The following DMBT1 variants were observed in gnomAD, a reference collection of about 807,000 sequenced individuals.
DMBT1 encodes scavenger receptor cysteine-rich domain-containing protein DMBT1.
A neutral mutation model predicts 252.9 loss-of-function variants in DMBT1; 198 were observed. The ratio of observed to expected loss-of-function variants is 0.78; its 90% CI spans 0.70 to 0.88. The LOEUF (loss-of-function observed/expected upper bound fraction) is 0.88. Among genes scored for constraint, DMBT1 ranks in the 40% least tolerant of loss-of-function variants. The pLI, the probability that DMBT1 is intolerant of heterozygous loss-of-function variation, is 0.00. For missense variants in DMBT1, 2,432 were observed against 2,404.7 expected, an observed-to-expected ratio of 1.01 and a Z score of -0.24; for synonymous variants, 990 against 942.7, an observed-to-expected ratio of 1.05 and a Z score of -0.92.
intron 50 of DMBT1, 93 bp downstream of exon 50, chr10:122,631,968 A>C: frequency 1.4e-6 from 2 of 1,418,468 alleles, no homozygotes; most frequent in Non-Finnish European, 2.0e-6. Context: ...CTCACTCTCC[A>C]AGGAGTTCAT....
chr10:122,636,067 G>C lies in DMBT1; in HGVS notation c.6625G>C (p.Val2209Leu), dbSNP rs754071848. 6.8e-6 allele frequency: 11 copies of C among 1,614,000 alleles called. No homozygotes were observed. Among genetic ancestry groups the C allele is most frequent in the Non-Finnish European group, 9.3e-6 (11 of 1,179,888 alleles). Reference sequence around the variant, plus strand: ...CCGCAGTTCCCCTCTCATTGCTCGAGTTTGTGATGGGGCCAGAGGCTCCTT... The same window carrying C: ...CCGCAGTTCCCCTCTCATTGCTCGACTTTGTGATGGGGCCAGAGGCTCCTT... ...PYRSSPLIAR[V>L]CDGARGSFTS... Residue 2209 changes from valine to leucine, a missense_variant, in exon 53 of 56, where the codon GTT becomes CTT. Val to Leu is a conservative substitution (Grantham distance 32). This residue lies in a region of DMBT1 where 1,162 missense variants were observed against 1,169.0 expected (regional missense o/e 0.99). Coordinates refer to ENST00000338354, the MANE Select transcript of DMBT1 (RefSeq NM_001377530.1).
intron 16 of DMBT1, 39 bp downstream of exon 16, chr10:122,586,422 G>C: frequency 6.3e-7 from 1 of 1,583,962 alleles, no homozygotes; most frequent in South Asian, 1.2e-5. Flanking sequence ...TCTTGGGGTA[G>C]ATTTTGCTCA....
At chr10:122,561,122 G>A (rs999253362) in intron 1 of DMBT1, among the ~76,000 whole-genome samples, 4 of 152,196 alleles carry the variant, frequency 2.6e-5, no homozygotes, top group African/African-American at 9.7e-5. Flanking sequence ...AATCCCTGAA[G>A]TTTAGGAAAG....
chr10:122,625,375 G>C, intron 45 of DMBT1, 72 bp downstream of exon 45: 1 of 1,457,140 alleles, frequency 6.9e-7, no homozygotes. Context: ...CCAGAAGTAG[G>C]AGGAGTAGGG....
At chr10:122,600,043 C>T (rs2097927618) in intron 26 of DMBT1, 21 bp from the exon 27 acceptor site, 1 of 1,607,470 alleles carries the variant, frequency 6.2e-7, no homozygotes, top group Admixed American at 1.7e-5. Flanking sequence ...CTGATCTGAC[C>T]TTCTCTTCTC....
chr10:122,634,523 G>C (rs920040297), intron 52 of DMBT1, among the ~76,000 whole-genome samples: 3 of 140,636 alleles, frequency 2.1e-5, no homozygotes, highest in African/African-American at 7.9e-5. Flanking sequence ...CGGACATGGA[G>C]TCTCGCTCTG....
chr10:122,617,509 C>A (rs369381639), intron 40 of DMBT1, among the ~76,000 whole-genome samples: 1 of 151,478 alleles, frequency 6.6e-6, no homozygotes, highest in Non-Finnish European at 1.5e-5. Context: ...GTGCTCAGGA[C>A]GAGCACTGGA....
chr10:122,625,894 A>T (rs2098115412), intron 45 of DMBT1, 39 bp from the exon 46 acceptor site: 1 of 1,555,876 alleles, frequency 6.4e-7, no homozygotes, highest in African/African-American at 1.4e-5. Flanking sequence ...TGGAAAAATT[A>T]TCTACTAAAA....
rs4752722 is a variant in DMBT1, at chr10:122,592,438, G to C, written c.2343G>C (p.Ser781=). The change falls in exon 20 of 56, where the codon TCG becomes TCC. Residue 781 remains serine, a synonymous_variant. Coordinates refer to ENST00000338354, the MANE Select transcript of DMBT1 (RefSeq NM_001377530.1). ...AGCTGGGCTGTGGCTGGGCCACGTC[G>C]GCCCCAGGAAATGCCCGGTTTGGCC... The part of the protein sequence containing the change: ...CRQLGCGWAT[S]APGNARFGQG... The C allele has an allele frequency of 1.3e-6, 2 of 1,587,238 alleles. No individual in the cohort carries two copies. Among genetic ancestry groups the C allele is most frequent in the Admixed American group, 1.7e-5 (1 of 59,436 alleles).
rs145116647 is a variant in DMBT1 at position 122,584,942 on chromosome 10, G to A, written c.1421-329G>A. 5.9e-3 allele frequency among the ~76,000 whole-genome samples: 878 copies of A among 148,990 alleles called. 78 individuals are homozygous for A. The highest frequency in any genetic ancestry group is 0.026 in the South Asian group (113 of 4,396). ...TGGTCAGCTCCTTGGTTTCCCTAAC[G>A]TTTTAGCTCGAGCTAGTAGAGTGTC... On this transcript the variant is annotated intron_variant, in intron 14 of 55. Transcript: ENST00000338354.
At chr10:122,597,100 A>G (rs1368073961) in intron 24 of DMBT1, 46 bp downstream of exon 24, 5 of 441,152 alleles carry the variant, frequency 1.1e-5, no homozygotes, top group East Asian at 3.4e-5. Flanking sequence ...CTCTTTCTGT[A>G]TAATTATCCC....
rs747458876 is a variant in DMBT1 at position 122,643,375 on chromosome 10, C to A, written c.7606C>A (p.Arg2536Ser). The A allele has an allele frequency of 1.9e-6, 3 of 1,613,662 alleles. No homozygotes were observed. Among genetic ancestry groups the A allele is most frequent in the Admixed American group, 3.3e-5 (2 of 60,004 alleles). ...LGPIQLQTPP[R>S]REEEPR is the part of the protein sequence containing the mutation. ...TCCCATCCAGCTGCAGACCCCCCCACGCCGAGAAGAGGAGCCTCGGTAGGT... is the reference window on the plus strand; with the variant it reads ...TCCCATCCAGCTGCAGACCCCCCCAAGCCGAGAAGAGGAGCCTCGGTAGGT... Residue 2536 changes from arginine to serine, a missense_variant, in exon 56 of 56, where the codon CGC (arginine) becomes AGC (serine). Physicochemically the swap from Arg to Ser is moderately radical, Grantham distance 110. Coordinates refer to ENST00000338354, the MANE Select transcript of DMBT1 (RefSeq NM_001377530.1).
chr10:122,618,380 A>G (rs753253767), intron 41 of DMBT1, 40 bp downstream of exon 41: 1 of 1,613,484 alleles, frequency 6.2e-7, no homozygotes, highest in Non-Finnish European at 8.5e-7. Flanking sequence ...CTTAAGTTGA[A>G]GTTTGCTCAG....
intron 50 of DMBT1, 149 bp downstream of exon 50, chr10:122,632,024 A>G: frequency 1.1e-6 from 1 of 910,260 alleles, no homozygotes; most frequent in Non-Finnish European, 1.8e-6. Context: ...CCTGCCGGCC[A>G]CCAGGATAGT....
chr10:122,573,651 C>A (rs1273080061), intron 5 of DMBT1, 64 bp from the exon 6 acceptor site: 2 of 1,590,398 alleles, frequency 1.3e-6, no homozygotes, highest in Non-Finnish European at 1.7e-6. Context: ...CTGAGCAAGC[C>A]CTGGACCAAC....
At position 122,598,756 on chromosome 10, in the gene DMBT1, T is replaced by C; in HGVS notation, c.2957-18T>C. The stretch of plus-strand genomic sequence containing the variant: ...CTCATGATAGGGATGGATGAAGGAT[T>C]CTTGTGTTCCCCTGTAGGATCTGAA... On this transcript the variant is annotated intron_variant, in intron 25 of 55. Coordinates refer to ENST00000338354, the MANE Select transcript of DMBT1 (RefSeq NM_001377530.1). 6.2e-7 allele frequency: 1 copy of C among 1,612,662 alleles called. No homozygotes were observed. The highest frequency in any genetic ancestry group is 8.5e-7 in the Non-Finnish European group (1 of 1,179,716).
Position 122,576,441 on chromosome 10 carries a change from G to A in DMBT1, c.326G>A (p.Gly109Asp), listed in dbSNP as rs533094445. ...GCCCTGAGGCTGGTGAATGGAGATG[G>A]CAGGTGTCAGGGCCGAGTGGAGATC... ...GLALRLVNGD[G>D]RCQGRVEILY... The change falls in exon 7 of 56, where the codon GGC (glycine) becomes GAC (aspartate). Residue 109 changes from glycine to aspartate, a missense_variant. Gly to Asp is a moderately conservative substitution (Grantham distance 94). This residue lies in a region of DMBT1 where 1,264 missense variants were observed against 1,082.2 expected (regional missense o/e 1.17). Transcript: ENST00000338354. The A allele has an allele frequency of 1.7e-4, 274 of 1,613,692 alleles. 4 individuals are homozygous for A. The South Asian group carries it at 2.8e-3, about 16-fold the overall frequency.
intron 17 of DMBT1, 116 bp from the exon 18 acceptor site, chr10:122,590,549 C>T: frequency 1.6e-6 from 2 of 1,275,488 alleles, no homozygotes; most frequent in Non-Finnish European, 2.3e-6. Context: ...GCCCCTCCCT[C>T]TGTGATGGGG....
intron 7 of DMBT1, 115 bp from the exon 8 acceptor site, chr10:122,577,693 TTGG>T: frequency 1.7e-6 from 2 of 1,189,900 alleles, no homozygotes. Context: ...CAGGGCCCAC[TTGG>T]TGGGCGTGTG....
Sources: allele counts gnomAD v4.1 joint callset (sites outside exome capture counted in the v4.1 genomes callset), GRCh38; gene constraint gnomAD v4.1.1; regional missense constraint gnomAD v4.1.1; transcripts MANE v1.5; gene names NCBI Gene and HGNC (gene_info 2026-07-23, HGNC 2026-07-21).